The following INPP4B variants were observed in gnomAD, a reference collection of about 807,000 sequenced individuals.
INPP4B encodes inositol polyphosphate 4-phosphatase type II.
INPP4B carries 55 observed loss-of-function variants against 122.5 expected under a neutral mutation model. That is an observed-to-expected ratio of 0.45 (90% confidence interval 0.36 to 0.56). INPP4B has a LOEUF of 0.56. Among genes scored for constraint, INPP4B ranks in the 20% least tolerant of loss-of-function variants. The pLI, the probability that INPP4B is intolerant of heterozygous loss-of-function variation, is 0.00. For missense variants in INPP4B, 1,000 were observed against 1,097.7 expected, an observed-to-expected ratio of 0.91 and a Z score of 1.26; for synonymous variants, 403 against 388.7, an observed-to-expected ratio of 1.04 and a Z score of -0.43.
intron 1 of INPP4B, among the ~76,000 whole-genome samples, chr4:142,757,966 G>T (rs1332938521): frequency 6.6e-6 from 1 of 152,076 alleles, no homozygotes; most frequent in Non-Finnish European, 1.5e-5. Context: ...AATATTTTTG[G>T]ATTGGACTTG....
chr4:142,502,896 G>A (rs1156497899), intron 2 of INPP4B, among the ~76,000 whole-genome samples: 3 of 152,006 alleles, frequency 2.0e-5, no homozygotes, highest in Non-Finnish European at 1.5e-5. Context: ...TTCTCCTACT[G>A]CAAAACTCAG....
rs10020982 is a variant in INPP4B, at chr4:142,140,619, T to A, written c.1720+5221A>T. ...AGATATGAAGGATGAAAGAAACAGG[T>A]ATTTATTAGAGTGTACTCAAAGGCA... On this transcript the variant is annotated intron_variant, in intron 18 of 25. Transcript: ENST00000262992. 4.5e-3 allele frequency among the ~76,000 whole-genome samples: 684 copies of A among 152,228 alleles called. 3 individuals carry two copies. Among genetic ancestry groups the A allele is most frequent in the African/African-American group, 0.016 (647 of 41,542 alleles).
In INPP4B at chr4:142,482,131, G is replaced by C. The variant is rs550610309; in HGVS notation, c.-190-19405C>G. Among the ~76,000 whole-genome samples the C allele has an allele frequency of 1.5e-3, 226 of 152,244 alleles. 1 individual carries two copies. In the South Asian group the frequency reaches 0.025, roughly 17 times the overall value. On this transcript the variant is annotated intron_variant, in intron 2 of 25. Coordinates refer to ENST00000262992, the MANE Select transcript of INPP4B (RefSeq NM_001101669.3). ...GCATGAAGGAAAGAAAGAGAACATG[G>C]CTGGGGGTGGGAGTCTTCCATTCCT...
chr4:142,490,564 A>G (rs1167797399), intron 2 of INPP4B, among the ~76,000 whole-genome samples: 1 of 152,152 alleles, frequency 6.6e-6, no homozygotes, highest in Non-Finnish European at 1.5e-5. Context: ...TTTGTGGTGA[A>G]AACATTTATA....
intron 5 of INPP4B, among the ~76,000 whole-genome samples, chr4:142,412,340 TTTTG>T (rs781287735): frequency 5.9e-5 from 9 of 152,158 alleles, no homozygotes; most frequent in African/African-American, 1.4e-4. Flanking sequence ...CTTTGCCTTT[TTTTG>T]TTTTTTATTC....
At chr4:142,342,953 A>G (rs922106255) in intron 7 of INPP4B, among the ~76,000 whole-genome samples, 1 of 152,114 alleles carries the variant, frequency 6.6e-6, no homozygotes, top group Non-Finnish European at 1.5e-5. Context: ...GGTTCTATAA[A>G]CCATTTTTGT....
At chr4:142,763,746 C>T (rs1049890413) in intron 1 of INPP4B, among the ~76,000 whole-genome samples, 1 of 151,914 alleles carries the variant, frequency 6.6e-6, no homozygotes, top group Admixed American at 6.6e-5. Context: ...CCAATTTTAA[C>T]TATGGTTCAA....
chr4:142,584,002 C>G (rs561496485), intron 2 of INPP4B, among the ~76,000 whole-genome samples: 9 of 152,136 alleles, frequency 5.9e-5, no homozygotes, highest in Admixed American at 5.9e-4. Context: ...CAGCTCTCGC[C>G]TCTCAGCCTT....
chr4:142,464,197 A>G lies in INPP4B; in HGVS notation c.-190-1471T>C, dbSNP rs148843690. Among the ~76,000 whole-genome samples, 319 of 152,302 alleles carry G rather than the reference A, an allele frequency of 2.1e-3. 1 individual carries two copies. Among genetic ancestry groups the G allele is most frequent in the Non-Finnish European group, 3.4e-3 (233 of 68,014 alleles). ...AATTTACTATTATATATAATTCAAT[A>G]TGTGTATAAAAATGTTACCTGGTTC... is the stretch of plus-strand genomic sequence containing the variant. On this transcript the variant is annotated intron_variant, in intron 2 of 25. Coordinates refer to ENST00000262992, the MANE Select transcript of INPP4B (RefSeq NM_001101669.3).
intron 2 of INPP4B, among the ~76,000 whole-genome samples, chr4:142,634,827 A>G (rs1748736976): frequency 6.6e-6 from 1 of 152,120 alleles, no homozygotes; most frequent in African/African-American, 2.4e-5. Context: ...TAATAACATA[A>G]GAAAAACAAT....
At chr4:142,398,401 A>AAAAAAAATAT (rs1800278058) in intron 7 of INPP4B, among the ~76,000 whole-genome samples, 1 of 28,498 alleles carries the variant, frequency 3.5e-5, no homozygotes, top group Admixed American at 5.9e-4. Context: ...AAAAAAAAAA[A>AAAAAAAATAT]ATATATATAT....
intron 17 of INPP4B, among the ~76,000 whole-genome samples, chr4:142,159,816 T>A (rs1819176034): frequency 6.6e-6 from 1 of 152,038 alleles, no homozygotes; most frequent in South Asian, 2.1e-4. Flanking sequence ...TAGCTATTTT[T>A]TCGTATCATT....
In INPP4B at chr4:142,268,318, GTC is replaced by G. The variant is rs1561687539; in HGVS notation, c.615+2343_615+2344del. On this transcript the variant is annotated intron_variant, in intron 10 of 25. Transcript: ENST00000262992. ...GGCCTGGGTGACAGAGCAAGACTCC[GTC>G]TCAAAAAAAAAAAAAAAAAAAAAAA... is the stretch of plus-strand genomic sequence containing the variant. Among the ~76,000 whole-genome samples the G allele has an allele frequency of 2.7e-3, 4 of 1,474 alleles. No homozygotes were observed. The Non-Finnish European group carries it at 0.03, about 11-fold the overall frequency. 1.0% of individuals were successfully genotyped at this position (1,474 alleles called of 152,430 possible). A position where few individuals can be genotyped will look rare whatever the true frequency, so the allele number is the denominator to read the frequency against.
At chr4:142,757,727 A>AAATC (rs1770709382) in intron 1 of INPP4B, among the ~76,000 whole-genome samples, 1 of 151,398 alleles carries the variant, frequency 6.6e-6, no homozygotes, top group Admixed American at 6.6e-5. Flanking sequence ...GCAATTATGA[A>AAATC]TATAAACATC....
chr4:142,706,112 T>C lies in INPP4B; in HGVS notation c.-191+19727A>G, dbSNP rs188292384. Among the ~76,000 whole-genome samples the C allele has an allele frequency of 3.4e-3, 515 of 152,308 alleles. 4 individuals are homozygous for C. Among genetic ancestry groups the C allele is most frequent in the Non-Finnish European group, 3.6e-3 (242 of 68,024 alleles). On this transcript the variant is annotated intron_variant, in intron 2 of 25. Coordinates refer to ENST00000262992, the MANE Select transcript of INPP4B (RefSeq NM_001101669.3). ...TAATTTGCTTCCATTCTACCTAAAC[T>C]TCATGCTTTTACATCTCCAAACTTT...
At chr4:142,376,157 G>A (rs1791763237) in intron 7 of INPP4B, among the ~76,000 whole-genome samples, 1 of 152,004 alleles carries the variant, frequency 6.6e-6, no homozygotes, top group Non-Finnish European at 1.5e-5. Context: ...AAGTAAATTA[G>A]TAAATTGTGA....
chr4:142,769,344 C>T (rs1262475037), intron 1 of INPP4B, among the ~76,000 whole-genome samples: 2 of 152,074 alleles, frequency 1.3e-5, no homozygotes, highest in East Asian at 3.9e-4. Context: ...GAGGTCCCCA[C>T]GATGCTCTGC....
intron 2 of INPP4B, among the ~76,000 whole-genome samples, chr4:142,555,134 C>T (rs1174488541): frequency 1.3e-5 from 2 of 152,160 alleles, no homozygotes; most frequent in African/African-American, 4.8e-5. Flanking sequence ...AAATATCAGC[C>T]TGCAGGATGG....
chr4:142,817,496 C>T (rs1780248779), intron 1 of INPP4B, among the ~76,000 whole-genome samples: 1 of 152,068 alleles, frequency 6.6e-6, no homozygotes, highest in Admixed American at 6.6e-5. Context: ...AGACCTTTCC[C>T]AGCTCTTCTC....
Sources: allele counts gnomAD v4.1 joint callset (sites outside exome capture counted in the v4.1 genomes callset), GRCh38; gene constraint gnomAD v4.1.1; transcripts MANE v1.5; gene names NCBI Gene and HGNC (gene_info 2026-07-23, HGNC 2026-07-21).